PCSK5: variants seen among roughly 807,000 people sequenced by gnomAD.
PCSK5 encodes the protein proprotein convertase subtilisin/kexin type 5, also known as prohormone convertase 5.
In PCSK5, 129 loss-of-function variants were observed where a neutral mutation model predicts 233.2. The ratio of observed to expected loss-of-function variants is 0.55; its 90% CI spans 0.48 to 0.64. PCSK5 has a LOEUF of 0.64. Ranked by LOEUF, PCSK5 falls within the 30% of genes least tolerant of loss-of-function variation. The pLI, the probability that PCSK5 is intolerant of heterozygous loss-of-function variation, is 0.00. For missense variants in PCSK5, 2,076 were observed against 2,430.1 expected, an observed-to-expected ratio of 0.85 and a Z score of 3.06; for synonymous variants, 825 against 879.2, an observed-to-expected ratio of 0.94 and a Z score of 1.09.
rs562495921 is a variant in PCSK5 at position 75,999,689 on chromosome 9, G to A, written c.411+13444G>A. ...AAATCCACAACCTTCCAGCTTGGGCGTTAGAGCCATTATGAACATGTCACA... is the reference window on the plus strand; with the variant it reads ...AAATCCACAACCTTCCAGCTTGGGCATTAGAGCCATTATGAACATGTCACA... On this transcript the variant is annotated intron_variant, in intron 3 of 37. Coordinates refer to ENST00000674117, the MANE Select transcript of PCSK5 (RefSeq NM_001372043.1). Among the ~76,000 whole-genome samples, 8 of 152,326 alleles carry A rather than the reference G, an allele frequency of 5.3e-5. No individual in the cohort carries two copies. The South Asian group carries it at 6.2e-4, about 12-fold the overall frequency.
At chr9:76,300,146 TCA>T (rs1476174262) in intron 27 of PCSK5, among the ~76,000 whole-genome samples, 1 of 152,086 alleles carries the variant, frequency 6.6e-6, no homozygotes, top group Non-Finnish European at 1.5e-5. Flanking sequence ...CCAGAGTTAG[TCA>T]CAAACACTGA....
intron 10 of PCSK5, among the ~76,000 whole-genome samples, chr9:76,146,544 G>GTATA (rs202140313): frequency 6.6e-6 from 1 of 150,562 alleles, no homozygotes; most frequent in South Asian, 2.1e-4. Context: ...ATATATATGT[G>GTATA]TATATATATA....
At chr9:76,033,872 C>A (rs1223980581) in intron 5 of PCSK5, among the ~76,000 whole-genome samples, 5 of 152,108 alleles carry the variant, frequency 3.3e-5, no homozygotes, top group African/African-American at 1.2e-4. Context: ...CTAGTCACCA[C>A]CGCCCAAAGC....
chr9:76,265,354 C>T (rs1170139744), intron 24 of PCSK5, among the ~76,000 whole-genome samples: 3 of 151,772 alleles, frequency 2.0e-5, no homozygotes, highest in Non-Finnish European at 2.9e-5. Context: ...ACTCGATATA[C>T]TCAGGTAACA....
At chr9:76,140,093 C>T (rs141200624) in intron 10 of PCSK5, among the ~76,000 whole-genome samples, 3 of 152,124 alleles carry the variant, frequency 2.0e-5, no homozygotes, top group Admixed American at 6.6e-5. Flanking sequence ...GTTTGTTAGG[C>T]TTTTGGGGGT....
intron 5 of PCSK5, among the ~76,000 whole-genome samples, chr9:76,038,174 C>T (rs989880420): frequency 2.9e-4 from 44 of 152,126 alleles, no homozygotes; most frequent in African/African-American, 1.0e-3. Flanking sequence ...CATGCCTGTC[C>T]CAATTACCAT....
chr9:75,995,699 TTAG>T (rs2131414564), intron 3 of PCSK5, among the ~76,000 whole-genome samples: 1 of 151,676 alleles, frequency 6.6e-6, no homozygotes, highest in South Asian at 2.1e-4. Context: ...GTCCAATCTG[TTAG>T]TAGTTGCAAA....
chr9:76,156,270 T>C (rs1822575774), intron 10 of PCSK5, among the ~76,000 whole-genome samples: 1 of 152,238 alleles, frequency 6.6e-6, no homozygotes, highest in Non-Finnish European at 1.5e-5. Flanking sequence ...TTCCTATATC[T>C]AATTGAAGTT....
chr9:76,348,557 C>T (rs929015839), intron 35 of PCSK5, among the ~76,000 whole-genome samples: 3 of 151,706 alleles, frequency 2.0e-5, no homozygotes, highest in South Asian at 2.1e-4. Context: ...ATGATTGCAC[C>T]GTTGCAATAT....
chr9:76,075,134 C>A (rs187527623), intron 7 of PCSK5, among the ~76,000 whole-genome samples: 1 of 152,046 alleles, frequency 6.6e-6, no homozygotes, highest in South Asian at 2.1e-4. Flanking sequence ...GCAGGAGAAT[C>A]GCTTGAACCC....
At chr9:76,196,712 T>C (rs1587747150) in intron 20 of PCSK5, among the ~76,000 whole-genome samples, 1 of 152,342 alleles carries the variant, frequency 6.6e-6, no homozygotes, top group African/African-American at 2.4e-5. Context: ...AATGTGAGAA[T>C]ATAGAGTAGG....
At chr9:76,163,528 A>G (rs1390263388) in intron 12 of PCSK5, among the ~76,000 whole-genome samples, 1 of 152,230 alleles carries the variant, frequency 6.6e-6, no homozygotes, top group Non-Finnish European at 1.5e-5. Flanking sequence ...GGGTCAATGG[A>G]GAAGTCCTAG....
At chr9:75,942,611 C>G (rs1280048130) in intron 2 of PCSK5, among the ~76,000 whole-genome samples, 1 of 152,138 alleles carries the variant, frequency 6.6e-6, no homozygotes, top group Non-Finnish European at 1.5e-5. Flanking sequence ...AGGTGGAGGG[C>G]TTATTCTTGT....
intron 9 of PCSK5, among the ~76,000 whole-genome samples, chr9:76,131,718 G>C (rs1349251355): frequency 1.3e-5 from 2 of 151,824 alleles, no homozygotes; most frequent in Admixed American, 1.3e-4. Context: ...GTTTCACTAG[G>C]GAAAATGTGG....
chr9:76,005,542 T>C (rs921563648), intron 3 of PCSK5, among the ~76,000 whole-genome samples: 3 of 152,158 alleles, frequency 2.0e-5, no homozygotes, highest in African/African-American at 7.2e-5. Context: ...TTTGCAGTGG[T>C]GTTCTGGTAG....
At chr9:76,353,436 C>G (rs1331453591) in intron 36 of PCSK5, among the ~76,000 whole-genome samples, 1 of 152,172 alleles carries the variant, frequency 6.6e-6, no homozygotes, top group Non-Finnish European at 1.5e-5. Context: ...AACATAAATG[C>G]TGGGTCAAAG....
At chr9:76,276,527 T>C (rs1173572362) in intron 24 of PCSK5, among the ~76,000 whole-genome samples, 1 of 152,212 alleles carries the variant, frequency 6.6e-6, no homozygotes, top group Non-Finnish European at 1.5e-5. Flanking sequence ...TCTCCATCTC[T>C]TCCAGCCCCA....
chr9:76,056,715 A>G (rs890968789), intron 5 of PCSK5, among the ~76,000 whole-genome samples: 7 of 152,238 alleles, frequency 4.6e-5, no homozygotes, highest in Non-Finnish European at 8.8e-5. Flanking sequence ...GGTAAAAATT[A>G]TGTAACAAAT....
Position 76,122,816 on chromosome 9 carries a change from C to CT in PCSK5, c.1209-11283dup, listed in dbSNP as rs11430110. 1.7e-3 allele frequency among the ~76,000 whole-genome samples: 228 copies of CT among 130,418 alleles called. 3 individuals carry two copies. The highest frequency in any genetic ancestry group is 2.7e-3 in the South Asian group (11 of 4,056). 85.6% of individuals were successfully genotyped at this position (130,418 alleles called of 152,430 possible). ...TGCTTCCATCAGTTACTTATTTTTT[C>CT]TTTTTTTTTTCTTTTTTTTTTTTTT... On this transcript the variant is annotated intron_variant, in intron 9 of 37. Coordinates refer to ENST00000674117, the MANE Select transcript of PCSK5 (RefSeq NM_001372043.1).
Sources: allele counts gnomAD v4.1 joint callset (sites outside exome capture counted in the v4.1 genomes callset), GRCh38; gene constraint gnomAD v4.1.1; transcripts MANE v1.5; gene names NCBI Gene and HGNC (gene_info 2026-07-23, HGNC 2026-07-21).